The following KCNIP4 variants were observed in gnomAD, a reference collection of about 807,000 sequenced individuals.
KCNIP4 encodes the protein potassium voltage-gated channel interacting protein 4, also known as Kv channel-interacting protein 4.
KCNIP4 carries 12 observed loss-of-function variants against 34.0 expected under a neutral mutation model. The observed-to-expected ratio is 0.35, with a 90% confidence interval of 0.23 to 0.57. The LOEUF is 0.57. KCNIP4 is among the 20% of genes least tolerant of loss of function. The pLI, the probability that KCNIP4 is intolerant of heterozygous loss-of-function variation, is 0.83. For synonymous variants in KCNIP4, 124 were observed against 102.2 expected (o/e 1.21, Z -1.29); for missense variants, 238 against 311.7 (o/e 0.76, Z 1.78).
chr4:21,172,830 T>C (rs188992713), intron 1 of KCNIP4, among the ~76,000 whole-genome samples: 96 of 152,272 alleles, frequency 6.3e-4, no homozygotes, highest in African/African-American at 2.3e-3. Context: ...CCAGGTATCA[T>C]ACAGACCCCA....
intron 1 of KCNIP4, among the ~76,000 whole-genome samples, chr4:21,522,296 A>G (rs1169125434): frequency 3.9e-5 from 6 of 152,136 alleles, no homozygotes; most frequent in African/African-American, 1.4e-4. Context: ...TAAATGAATA[A>G]CATTATTGTA....
intron 1 of KCNIP4, among the ~76,000 whole-genome samples, chr4:21,768,263 CTAA>C (rs1478418270): frequency 6.6e-6 from 1 of 152,026 alleles, no homozygotes; most frequent in African/African-American, 2.4e-5. Flanking sequence ...ATATTGATAA[CTAA>C]TAATAATAAA....
chr4:20,983,388 A>T (rs1736274869), intron 1 of KCNIP4, among the ~76,000 whole-genome samples: 1 of 152,142 alleles, frequency 6.6e-6, no homozygotes, highest in South Asian at 2.1e-4. Context: ...TCACCCCCAC[A>T]CCTCCTAACT....
intron 1 of KCNIP4, among the ~76,000 whole-genome samples, chr4:21,600,662 A>G (rs953257233): frequency 1.3e-5 from 2 of 152,024 alleles, no homozygotes; most frequent in Non-Finnish European, 2.9e-5. Flanking sequence ...CCATGCCTAG[A>G]ATCTTGACCT....
At chr4:21,814,876 A>C (rs1017544774) in intron 1 of KCNIP4, among the ~76,000 whole-genome samples, 1 of 152,196 alleles carries the variant, frequency 6.6e-6, no homozygotes, top group Non-Finnish European at 1.5e-5. Context: ...AGAAACAATT[A>C]AAATTGACAC....
At chr4:21,622,373 C>A (rs987776642) in intron 1 of KCNIP4, among the ~76,000 whole-genome samples, 1 of 152,058 alleles carries the variant, frequency 6.6e-6, no homozygotes, top group Non-Finnish European at 1.5e-5. Context: ...CAACCTTTTG[C>A]CTGCCTATCC....
At chr4:21,819,012 T>C (rs1279069460) in intron 1 of KCNIP4, among the ~76,000 whole-genome samples, 1 of 152,224 alleles carries the variant, frequency 6.6e-6, no homozygotes, top group Non-Finnish European at 1.5e-5. Context: ...TCTGTGGTTC[T>C]AGCATGACCA....
chr4:21,644,704 T>G (rs1296182790), intron 1 of KCNIP4, among the ~76,000 whole-genome samples: 2 of 152,148 alleles, frequency 1.3e-5, no homozygotes, highest in African/African-American at 4.8e-5. Context: ...CTCAGTACAT[T>G]TAGTAATTTA....
intron 1 of KCNIP4, among the ~76,000 whole-genome samples, chr4:21,183,253 T>C (rs1210722627): frequency 6.6e-6 from 1 of 152,126 alleles, no homozygotes; most frequent in Non-Finnish European, 1.5e-5. Context: ...TATCCATTCA[T>C]CTGTCAATTG....
At chr4:21,023,316 T>C (rs1245117964) in intron 1 of KCNIP4, among the ~76,000 whole-genome samples, 1 of 151,876 alleles carries the variant, frequency 6.6e-6, no homozygotes, top group Admixed American at 6.6e-5. Flanking sequence ...AAAAGAACCA[T>C]CTGGAAATGC....
At chr4:21,393,639 T>C (rs1451995226) in intron 1 of KCNIP4, among the ~76,000 whole-genome samples, 1 of 152,198 alleles carries the variant, frequency 6.6e-6, no homozygotes, top group Non-Finnish European at 1.5e-5. Flanking sequence ...ACATAAACCC[T>C]GAAAATTTCA....
chr4:21,088,738 A>T (rs1173960250), intron 1 of KCNIP4, among the ~76,000 whole-genome samples: 2 of 152,098 alleles, frequency 1.3e-5, no homozygotes, highest in Non-Finnish European at 1.5e-5. Flanking sequence ...TTTCCTAAAG[A>T]TGTTTTGCCT....
chr4:21,723,626 TGGGAGCTCAGTCATAC>T (rs1714983829), intron 1 of KCNIP4, among the ~76,000 whole-genome samples: 1 of 152,088 alleles, frequency 6.6e-6, no homozygotes, highest in Non-Finnish European at 1.5e-5. Context: ...TGGTGTCACA[TGGGAGCTCAGTCATAC>T]ATGGTTAAGG....
chr4:21,334,468 T>A (rs1715964438), intron 1 of KCNIP4, among the ~76,000 whole-genome samples: 1 of 152,036 alleles, frequency 6.6e-6, no homozygotes, highest in Non-Finnish European at 1.5e-5. Context: ...CCTTAAGGTC[T>A]TTTAGGAACA....
At chr4:20,978,499 C>A (rs1735701910) in intron 1 of KCNIP4, among the ~76,000 whole-genome samples, 1 of 152,188 alleles carries the variant, frequency 6.6e-6, no homozygotes, top group African/African-American at 2.4e-5. Context: ...CAACTCCTAT[C>A]CTACATTTTA....
At chr4:21,189,844 C>A (rs1448244940) in intron 1 of KCNIP4, among the ~76,000 whole-genome samples, 2 of 152,150 alleles carry the variant, frequency 1.3e-5, no homozygotes, top group Non-Finnish European at 2.9e-5. Flanking sequence ...CCCTTTATTT[C>A]TAAAATTTGC....
In KCNIP4 at chr4:21,234,116, T is replaced by C. The variant is rs1434294324; in HGVS notation, c.62-351407A>G. Among the ~76,000 whole-genome samples, 2 of 97,988 alleles carry C rather than the reference T, an allele frequency of 2.0e-5. 1 individual carries two copies. The highest frequency in any genetic ancestry group is 1.0e-4 in the African/African-American group (2 of 19,120). The allele number at this position is 97,988 out of a possible 152,430, so 64.3% of individuals were successfully genotyped here. Reference sequence around the variant, plus strand: ...TATATATAACATATATAACGTATATTATATATAACATATATAACGTATATT... The same window carrying C: ...TATATATAACATATATAACGTATATCATATATAACATATATAACGTATATT... On this transcript the variant is annotated intron_variant, in intron 1 of 8. Transcript: ENST00000382152.
At chr4:21,058,459 G>T (rs1314620659) in intron 1 of KCNIP4, among the ~76,000 whole-genome samples, 1 of 152,094 alleles carries the variant, frequency 6.6e-6, no homozygotes, top group Non-Finnish European at 1.5e-5. Flanking sequence ...TCCTAGTCCT[G>T]CCTCAGTGAG....
chr4:21,478,635 T>C (rs560920722), intron 1 of KCNIP4, among the ~76,000 whole-genome samples: 2 of 152,294 alleles, frequency 1.3e-5, no homozygotes, highest in Non-Finnish European at 2.9e-5. Flanking sequence ...CTTGATTCAG[T>C]GATTGACCTT....
Sources: allele counts gnomAD v4.1 joint callset (sites outside exome capture counted in the v4.1 genomes callset), GRCh38; gene constraint gnomAD v4.1.1; transcripts MANE v1.5; gene names NCBI Gene and HGNC (gene_info 2026-07-23, HGNC 2026-07-21).